The following DNAH3 variants were observed in gnomAD, a reference collection of about 807,000 sequenced individuals.
DNAH3 encodes dynein axonemal heavy chain 3, also known as axonemal beta dynein heavy chain 3.
Under a neutral mutation model 432.5 loss-of-function variants are expected in DNAH3, and 332 were observed. That is an observed-to-expected ratio of 0.77 (90% CI 0.70 to 0.84). The LOEUF (loss-of-function observed/expected upper bound fraction) is 0.84, where lower values mean the gene tolerates loss of function less well. DNAH3 is among the 40% of genes least tolerant of loss of function. DNAH3 has a pLI of 0.00. For synonymous variants in DNAH3, 1,956 were observed against 1,900.2 expected, an observed-to-expected ratio of 1.03 and a Z score of -0.76; for missense variants, 4,861 against 5,114.0, an observed-to-expected ratio of 0.95 and a Z score of 1.51.
At chr16:21,112,972 C>A (rs1261754252) in intron 12 of DNAH3, among the ~76,000 whole-genome samples, 4 of 152,162 alleles carry the variant, frequency 2.6e-5, no homozygotes, top group Non-Finnish European at 5.9e-5. Flanking sequence ...TAGGAAGTAA[C>A]TAACTTGCTT....
intron 36 of DNAH3, among the ~76,000 whole-genome samples, chr16:21,032,674 A>G (rs1273328646): frequency 1.3e-5 from 2 of 151,968 alleles, no homozygotes; most frequent in African/African-American, 4.8e-5. Flanking sequence ...TTAGGCGGGC[A>G]TGGTGGTGCA....
intron 15 of DNAH3, among the ~76,000 whole-genome samples, chr16:21,105,063 T>C (rs756467511): frequency 6.6e-6 from 1 of 152,198 alleles, no homozygotes; most frequent in Non-Finnish European, 1.5e-5. Context: ...CTACCCATTT[T>C]ATGACTCTGG....
At chr16:20,956,507 G>A (rs1306135118) in intron 54 of DNAH3, among the ~76,000 whole-genome samples, 1 of 152,088 alleles carries the variant, frequency 6.6e-6, no homozygotes, top group Non-Finnish European at 1.5e-5. Context: ...TATGTTACAT[G>A]CCTGGCCCCT....
chr16:21,081,292 AAAG>A (rs2091175629), intron 20 of DNAH3, among the ~76,000 whole-genome samples: 1 of 152,042 alleles, frequency 6.6e-6, no homozygotes, highest in Non-Finnish European at 1.5e-5. Context: ...TTGTTTGTTT[AAAG>A]AAGAGGAAAC....
chr16:21,013,319 C>T (rs1290311851), intron 41 of DNAH3, among the ~76,000 whole-genome samples: 2 of 147,796 alleles, frequency 1.4e-5, no homozygotes, highest in Non-Finnish European at 3.0e-5. Context: ...CACTTGAGTC[C>T]AGGAGTTTGG....
At chr16:20,981,971 T>G (rs1459854471) in intron 49 of DNAH3, among the ~76,000 whole-genome samples, 1 of 146,482 alleles carries the variant, frequency 6.8e-6, no homozygotes, top group Non-Finnish European at 1.5e-5. Context: ...TTATATATAA[T>G]AAAGCATATA....
chr16:21,055,430 G>A (rs912893786), intron 27 of DNAH3, among the ~76,000 whole-genome samples: 3 of 152,090 alleles, frequency 2.0e-5, no homozygotes, highest in East Asian at 1.9e-4. Flanking sequence ...GAATAAAATC[G>A]TATCAGTGTT....
At chr16:21,096,523 C>G (rs555494166) in intron 18 of DNAH3, among the ~76,000 whole-genome samples, 39 of 152,202 alleles carry the variant, frequency 2.6e-4, no homozygotes, top group African/African-American at 9.4e-4. Context: ...CAATTATTCC[C>G]CAACATAAAT....
intron 35 of DNAH3, among the ~76,000 whole-genome samples, chr16:21,036,006 TC>T (rs2089147897): frequency 6.6e-6 from 1 of 152,116 alleles, no homozygotes; most frequent in East Asian, 1.9e-4. Context: ...TCAAAATGAC[TC>T]CATTTTACAG....
rs983785101 is a variant in DNAH3 at position 21,098,897 on chromosome 16, A to C, written c.2367-128T>G. 5 of 889,748 alleles carry C rather than the reference A, an allele frequency of 5.6e-6. No individual in the cohort carries two copies. The South Asian group carries it at 9.4e-5, about 17-fold the overall frequency. 55.1% of individuals were successfully genotyped at this position (889,748 alleles called of 1,614,324 possible). A position where few individuals can be genotyped will look rare whatever the true frequency, so the allele number is the denominator to read the frequency against. On this transcript the variant is annotated intron_variant, in intron 16 of 61. Transcript: ENST00000261383. ...AGTTACCTGCAGATTTCCTCCCCCA[A>C]TACTCCCAACTCCATCTTTCTCTCT...
intron 36 of DNAH3, among the ~76,000 whole-genome samples, 172 bp downstream of exon 36, chr16:21,033,802 G>A (rs1027792928): frequency 4.0e-5 from 6 of 151,830 alleles, no homozygotes; most frequent in African/African-American, 7.3e-5. Context: ...GAAGCACCCC[G>A]CCCCCAACCC....
rs376704100 is a variant in DNAH3 at position 20,982,975 on chromosome 16, G to C, written c.7666-61C>G. 29 of 1,461,988 alleles carry C rather than the reference G, an allele frequency of 2.0e-5. No individual in the cohort carries two copies. The African/African-American group carries it at 3.5e-4, about 17-fold the overall frequency. The allele number at this position is 1,461,988 out of a possible 1,614,324, so 90.6% of individuals were successfully genotyped here. A position where few individuals can be genotyped will look rare whatever the true frequency, so the allele number is the denominator to read the frequency against. ...GGGTATTCCCAAGGATTCTGGTGGG[G>C]TAAGTGGGGGCAGGCTTCCTCCTGG... On this transcript the variant is annotated intron_variant, in intron 48 of 61. Transcript: ENST00000261383.
chr16:21,154,184 G>A (rs1424416197), intron 1 of DNAH3, among the ~76,000 whole-genome samples: 2 of 152,196 alleles, frequency 1.3e-5, no homozygotes, highest in African/African-American at 4.8e-5. Context: ...CGAGTGGATC[G>A]CCTGAGGTCA....
At chr16:21,134,409 A>G in exon 7 of DNAH3, 2 of 1,614,214 alleles carry the variant, frequency 1.2e-6, no homozygotes, top group Non-Finnish European at 1.7e-6. Flanking sequence ...GATGCTCTCA[A>G]TAAAGAGCCG....
intron 1 of DNAH3, among the ~76,000 whole-genome samples, chr16:21,157,228 C>T (rs1251383482): frequency 1.3e-5 from 2 of 152,008 alleles, no homozygotes; most frequent in Non-Finnish European, 2.9e-5. Flanking sequence ...AATCATCATC[C>T]CAAGCAAATA....
intron 26 of DNAH3, among the ~76,000 whole-genome samples, chr16:21,058,788 G>A (rs1246496530): frequency 6.6e-6 from 1 of 152,082 alleles, no homozygotes; most frequent in East Asian, 1.9e-4. Flanking sequence ...GTTGAACAAT[G>A]AGAACACATG....
At chr16:21,159,067 A>G (rs1194030313) in intron 1 of DNAH3, among the ~76,000 whole-genome samples, 1 of 150,086 alleles carries the variant, frequency 6.7e-6, no homozygotes, top group Non-Finnish European at 1.5e-5. Flanking sequence ...GCACCACCAC[A>G]CCCCGAGACT....
intron 27 of DNAH3, among the ~76,000 whole-genome samples, chr16:21,055,545 A>G (rs942859255): frequency 4.6e-5 from 7 of 152,314 alleles, no homozygotes; most frequent in Middle Eastern, 3.4e-3. Context: ...TCTTTGTATT[A>G]TATTTTCAGC....
At chr16:21,127,959 G>A in intron 7 of DNAH3, 147 bp from the exon 9 acceptor site, 1 of 974,916 alleles carries the variant, frequency 1.0e-6, no homozygotes, top group Non-Finnish European at 1.5e-6. Context: ...AGATGCTGAG[G>A]AGGATATGGG....
Sources: allele counts gnomAD v4.1 joint callset (sites outside exome capture counted in the v4.1 genomes callset), GRCh38; gene constraint gnomAD v4.1.1; transcripts MANE v1.5; gene names NCBI Gene and HGNC (gene_info 2026-07-23, HGNC 2026-07-21).